Variants in FGF9 observed in about 807,000 individuals in gnomAD.
The protein encoded by FGF9 is fibroblast growth factor 9 (glia-activating factor).
In FGF9, 3 loss-of-function variants were observed where a neutral mutation model predicts 19.9. The observed-to-expected ratio is 0.15, with a 90% CI of 0.07 to 0.39. FGF9 has a LOEUF of 0.39. FGF9 is among the 10% of genes least tolerant of loss of function. The probability of loss-of-function intolerance (pLI) is 1.00; values close to 1 mark genes in which losing one functional copy is unlikely to be tolerated. For synonymous variants in FGF9, 107 were observed against 106.9 expected (o/e 1.00, Z -0.01); for missense variants, 175 against 256.8 (o/e 0.68, Z 2.18).
intron 2 of FGF9, among the ~76,000 whole-genome samples, chr13:21,698,633 G>A (rs1872471052): frequency 6.6e-6 from 1 of 152,092 alleles, no homozygotes; most frequent in South Asian, 2.1e-4. Context: ...GGACTTTTGT[G>A]TATCTGTTTC....
intron 1 of FGF9, among the ~76,000 whole-genome samples, chr13:21,675,584 C>G (rs1241649058): frequency 6.6e-6 from 1 of 152,168 alleles, no homozygotes; most frequent in Non-Finnish European, 1.5e-5. Flanking sequence ...GGCCCTCCTC[C>G]TCCTCCGGCA....
Position 21,699,026 on chromosome 13 carries a change from A to G in FGF9, c.382-2164A>G, listed in dbSNP as rs17840917. The stretch of plus-strand genomic sequence containing the variant: ...GGAAGTAAGGACTAAAATAGCCATT[A>G]ATGTCTTTAACACACTTAAACTTCT... On this transcript the variant is annotated intron_variant, in intron 2 of 2. Transcript: ENST00000382353. Among the ~76,000 whole-genome samples the G allele has an allele frequency of 9.4e-3, 1,435 of 152,350 alleles. 21 individuals carry two copies. Among genetic ancestry groups the G allele is most frequent in the African/African-American group, 0.033 (1,375 of 41,574 alleles).
intron 1 of FGF9, 52 bp from the exon 2 acceptor site, chr13:21,680,990 G>A: frequency 1.4e-6 from 2 of 1,396,186 alleles, no homozygotes; most frequent in Non-Finnish European, 2.0e-6. Context: ...GGGACTCTAA[G>A]GACATGCTCT....
At chr13:21,675,574 G>C (rs888464130) in intron 1 of FGF9, among the ~76,000 whole-genome samples, 12 of 152,086 alleles carry the variant, frequency 7.9e-5, no homozygotes, top group African/African-American at 2.9e-4. Flanking sequence ...CCTCACCTTC[G>C]GCCCTCCTCC....
rs149428071 is a variant in FGF9 at position 21,675,410 on chromosome 13, C to T, written c.277+3221C>T. 5.1e-4 allele frequency among the ~76,000 whole-genome samples: 77 copies of T among 152,214 alleles called. No individual in the cohort carries two copies. The East Asian group carries it at 0.013, about 25-fold the overall frequency. ...GTGTGCCGGGAGCCTCCTACCCTCG[C>T]CTTCCCAGCCCCGCCCGGAACGAGG... On this transcript the variant is annotated intron_variant, in intron 1 of 2. Transcript: ENST00000382353.
At chr13:21,687,132 C>CA (rs1872180441) in intron 2 of FGF9, among the ~76,000 whole-genome samples, 1 of 152,162 alleles carries the variant, frequency 6.6e-6, no homozygotes, top group Non-Finnish European at 1.5e-5. Flanking sequence ...ACTCTGTTTC[C>CA]AAAGCACAGA....
chr13:21,680,035 C>T (rs1872006477), intron 1 of FGF9, among the ~76,000 whole-genome samples: 1 of 150,836 alleles, frequency 6.6e-6, no homozygotes, highest in African/African-American at 2.4e-5. Context: ...ACTGTAGTTA[C>T]AGAAATTGAA....
At chr13:21,673,727 C>T (rs1376729053) in intron 1 of FGF9, among the ~76,000 whole-genome samples, 2 of 151,606 alleles carry the variant, frequency 1.3e-5, no homozygotes, top group Non-Finnish European at 3.0e-5. Flanking sequence ...GTGTCCGGGG[C>T]CGCGGCGGCC....
chr13:21,679,386 A>G (rs1252448979), intron 1 of FGF9, among the ~76,000 whole-genome samples: 1 of 152,132 alleles, frequency 6.6e-6, no homozygotes, highest in Non-Finnish European at 1.5e-5. Context: ...TTGCAGTACC[A>G]GTGTATTTTG....
intron 2 of FGF9, among the ~76,000 whole-genome samples, chr13:21,697,296 G>A (rs1379444609): frequency 6.6e-6 from 1 of 151,996 alleles, no homozygotes; most frequent in Non-Finnish European, 1.5e-5. Flanking sequence ...CTACAGGTGT[G>A]CACCACCATG....
rs550891932 is a variant in FGF9 at position 21,702,271 on chromosome 13, T to C, written c.*836T>C. On this transcript the variant is annotated 3_prime_UTR_variant, in exon 3 of 3. Transcript: ENST00000382353. ...GTACTAAAGGCGACAATCTCTTTTG[T>C]GCCCATATTATTGTAAACTTATGCA... 1 of 152,350 alleles carries C rather than the reference T, an allele frequency of 6.6e-6. No homozygotes were observed. Among genetic ancestry groups the C allele is most frequent in the African/African-American group, 2.4e-5 (1 of 41,588 alleles). 9.4% of individuals were successfully genotyped at this position (152,350 alleles called of 1,614,324 possible).
intron 2 of FGF9, among the ~76,000 whole-genome samples, chr13:21,682,857 C>A (rs1281405210): frequency 6.6e-6 from 1 of 151,588 alleles, no homozygotes; most frequent in Non-Finnish European, 1.5e-5. Flanking sequence ...GATCACGTAT[C>A]CCCACCAAAA....
At chr13:21,688,171 C>A (rs1872204169) in intron 2 of FGF9, among the ~76,000 whole-genome samples, 1 of 152,196 alleles carries the variant, frequency 6.6e-6, no homozygotes, top group Non-Finnish European at 1.5e-5. Flanking sequence ...AACAGGATAC[C>A]ACACCACATG....
intron 2 of FGF9, among the ~76,000 whole-genome samples, chr13:21,698,131 T>C (rs1186733938): frequency 1.3e-5 from 2 of 152,184 alleles, no homozygotes; most frequent in Non-Finnish European, 2.9e-5. Flanking sequence ...CTTTTTACTA[T>C]GCTTAGTGAA....
At chr13:21,680,679 GTTGTCT>G (rs1252624997) in intron 1 of FGF9, among the ~76,000 whole-genome samples, 2 of 152,164 alleles carry the variant, frequency 1.3e-5, no homozygotes, top group African/African-American at 4.8e-5. Flanking sequence ...GTGGATGTAG[GTTGTCT>G]TTGTCTTAAA....
At chr13:21,679,189 T>A (rs1248077569) in intron 1 of FGF9, among the ~76,000 whole-genome samples, 1 of 152,258 alleles carries the variant, frequency 6.6e-6, no homozygotes, top group Non-Finnish European at 1.5e-5. Flanking sequence ...CTTTTTTTGA[T>A]ATACTGTTTA....
chr13:21,687,910 C>T (rs575177366), intron 2 of FGF9, among the ~76,000 whole-genome samples: 1 of 152,284 alleles, frequency 6.6e-6, no homozygotes, highest in Non-Finnish European at 1.5e-5. Context: ...TTTCATTGAC[C>T]TGGAAAGGCA....
chr13:21,694,318 A>G (rs1214452498), intron 2 of FGF9, among the ~76,000 whole-genome samples: 2 of 152,110 alleles, frequency 1.3e-5, no homozygotes, highest in South Asian at 2.1e-4. Flanking sequence ...TCTACAAATC[A>G]TGTGCTGAAT....
In FGF9 at chr13:21,701,308, A is replaced by G. The variant is rs746751637; in HGVS notation, c.500A>G (p.Asn167Ser). The G allele has an allele frequency of 6.2e-7, 1 of 1,614,216 alleles. No individual in the cohort carries two copies. Among genetic ancestry groups the G allele is most frequent in the South Asian group, 1.1e-5 (1 of 91,080 alleles). Residue 167 changes from asparagine to serine, a missense_variant, in exon 3 of 3, where the codon AAT (asparagine) becomes AGT (serine). Physicochemically the swap from Asn to Ser is conservative, Grantham distance 46. Coordinates refer to ENST00000382353, the MANE Select transcript of FGF9 (RefSeq NM_002010.3). ...GGAAGGCGATACTATGTTGCATTAAATAAAGATGGGACCCCGAGAGAAGGG... is the reference window on the plus strand; with the variant it reads ...GGAAGGCGATACTATGTTGCATTAAGTAAAGATGGGACCCCGAGAGAAGGG... Reference protein sequence around the residue: ...DTGRRYYVALNKDGTPREGTR... With the variant: ...DTGRRYYVALSKDGTPREGTR...
Sources: allele counts gnomAD v4.1 joint callset (sites outside exome capture counted in the v4.1 genomes callset), GRCh38; gene constraint gnomAD v4.1.1; transcripts MANE v1.5; gene names NCBI Gene and HGNC (gene_info 2026-07-23, HGNC 2026-07-21).